The following RECQL5 variants were observed in gnomAD, a reference collection of about 807,000 sequenced individuals.
The protein encoded by RECQL5 is ATP-dependent DNA helicase Q5.
A neutral mutation model predicts 103.4 loss-of-function variants in RECQL5; 88 were observed. The observed-to-expected ratio is 0.85, with a 90% CI of 0.72 to 1.02. The LOEUF is 1.02. RECQL5 is among the 50% of genes least tolerant of loss of function. The pLI is 0.00. For synonymous variants in RECQL5, 552 were observed against 507.9 expected (o/e 1.09, Z -1.17); for missense variants, 1,232 against 1,284.3 (o/e 0.96, Z 0.62).
At chr17:75,648,993 C>G (rs2059522579) in intron 8 of RECQL5, 2 of 152,174 alleles carry the variant, frequency 1.3e-5, no homozygotes, top group South Asian at 4.1e-4. Context: ...ATGGCCGGCT[C>G]TGGGACGGGG....
intron 7 of RECQL5, chr17:75,652,478 T>A (rs2059567722): frequency 1.3e-5 from 2 of 152,270 alleles, no homozygotes; most frequent in Admixed American, 6.5e-5. Flanking sequence ...GAGCACAGCA[T>A]CCCAGATGGG....
chr17:75,658,593 G>C, intron 6 of RECQL5, 133 bp from the exon 7 acceptor site: 1 of 759,214 alleles, frequency 1.3e-6, no homozygotes, highest in South Asian at 1.7e-5. Context: ...AGTTAGAATA[G>C]TTAAGACACC....
chr17:75,635,242 T>C (rs2148260012), intron 8 of RECQL5, among the ~76,000 whole-genome samples: 2 of 152,174 alleles, frequency 1.3e-5, no homozygotes, highest in Middle Eastern at 3.4e-3. Context: ...TCCTGCGGTG[T>C]TGGGAGGCGC....
chr17:75,656,744 CTTTTTT>C (rs35330392), intron 7 of RECQL5, among the ~76,000 whole-genome samples: 1 of 82,654 alleles, frequency 1.2e-5, no homozygotes, highest in Non-Finnish European at 2.4e-5. Flanking sequence ...CTTCTATTGT[CTTTTTT>C]TTTTTTTTTT....
At chr17:75,661,904 C>T (rs7211495) in intron 4 of RECQL5, among the ~76,000 whole-genome samples, 196 bp from the exon 5 acceptor site, 1,548 of 152,268 alleles carry the variant, frequency 0.01, 23 homozygotes, top group African/African-American at 0.034. Context: ...TTCATGCCTG[C>T]AATCCCAGCA....
intron 8 of RECQL5, among the ~76,000 whole-genome samples, chr17:75,648,225 A>T (rs780703434): frequency 3.3e-5 from 5 of 151,868 alleles, no homozygotes; most frequent in Admixed American, 6.6e-5. Flanking sequence ...ACTTTACTCT[A>T]TGGCCTAGTT....
chr17:75,640,460 G>GCTTCCCCCAA lies in RECQL5; in HGVS notation c.1230-8793_1230-8792insTTGGGGGAAG. On this transcript the variant is annotated intron_variant, in intron 8 of 19. Coordinates refer to ENST00000317905, the MANE Select transcript of RECQL5 (RefSeq NM_004259.7). The surrounding 1 kb of genome is among the most constrained non-coding windows in gnomAD (Gnocchi z 4.6). The stretch of plus-strand genomic sequence containing the variant: ...AAGGAGGAAAACCAGTTGTCCCTTG[G>GCTTCCCCCAA]GGGAAGCCAAGGGACTTCCCTCATC... 1.5e-6 allele frequency: 2 copies of GCTTCCCCCAA among 1,377,634 alleles called. No homozygotes were observed. The highest frequency in any genetic ancestry group is 1.9e-6 in the Non-Finnish European group (2 of 1,041,214). The allele number at this position is 1,377,634 out of a possible 1,614,324, so 85.3% of individuals were successfully genotyped here.
rs767592532 is a variant in RECQL5, at chr17:75,628,660, C to T, written c.2580+12G>A. The stretch of plus-strand genomic sequence containing the variant: ...CTTCTCTCCTCCCCAACAGACTCAT[C>T]CCTGCCGGCACCTGCTGGGATCGAG... On this transcript the variant is annotated intron_variant, in intron 17 of 19. Transcript: ENST00000317905. The T allele has an allele frequency of 1.0e-5, 16 of 1,580,700 alleles. No individual in the cohort carries two copies. Among genetic ancestry groups the T allele is most frequent in the Admixed American group, 2.0e-5 (1 of 50,458 alleles).
intron 8 of RECQL5, chr17:75,650,737 CAG>C (rs1406126696): frequency 6.2e-7 from 1 of 1,610,124 alleles, no homozygotes. Context: ...GCAGGTAAAA[CAG>C]ATGCGTGAGT....
intron 8 of RECQL5, 111 bp from the exon 9 acceptor site, chr17:75,631,779 G>T: frequency 8.9e-7 from 1 of 1,127,518 alleles, no homozygotes; most frequent in Non-Finnish European, 1.3e-6. Context: ...CCGGCACCAT[G>T]CCGGGAGCCC....
At position 75,630,259 on chromosome 17, in the gene RECQL5, C is replaced by G. The variant is rs1389838540; in HGVS notation, c.1737G>C (p.Lys579Asn). 1.3e-6 allele frequency: 2 copies of G among 1,560,666 alleles called. No individual in the cohort carries two copies. Among genetic ancestry groups the G allele is most frequent in the Non-Finnish European group, 1.7e-6 (2 of 1,151,536 alleles). The change falls in exon 14 of 20, where the codon AAG becomes AAC. Residue 579 changes from lysine to asparagine, a missense_variant. By Grantham distance (94) the Lys-to-Asn change is moderately conservative. Coordinates refer to ENST00000317905, the MANE Select transcript of RECQL5 (RefSeq NM_004259.7). ...RTADEADLRA[K>N]AVELEHETFR... ...ATGTCTCATGTTCCAGCTCCACGGC[C>G]TTGGCCCGGAGGTCAGCTCTGTGGG...
intron 2 of RECQL5, among the ~76,000 whole-genome samples, chr17:75,665,689 C>CAAA (rs1184942786): frequency 2.4e-4 from 15 of 63,310 alleles, no homozygotes; most frequent in Non-Finnish European, 2.5e-4. Flanking sequence ...GACTCTGTTT[C>CAAA]AAAAAAAAAA....
At position 75,640,479 on chromosome 17, in the gene RECQL5, C is replaced by G. The variant is rs1162187056; in HGVS notation, c.1230-8811G>C. Among the ~76,000 whole-genome samples, 3 of 152,132 alleles carry G rather than the reference C, an allele frequency of 2.0e-5. No homozygotes were observed. Among genetic ancestry groups the G allele is most frequent in the Non-Finnish European group, 4.4e-5 (3 of 68,008 alleles). On this transcript the variant is annotated intron_variant, in intron 8 of 19. Transcript: ENST00000317905. This position sits in a 1 kb window ranked among gnomAD's most constrained non-coding sequence, Gnocchi z 4.6. ...CCCTTGGGGGAAGCCAAGGGACTTCCCTCATCCTCTGATATGCTGCTTGGG... is the reference window on the plus strand; with the variant it reads ...CCCTTGGGGGAAGCCAAGGGACTTCGCTCATCCTCTGATATGCTGCTTGGG...
At chr17:75,655,618 C>A (rs2059609900) in intron 7 of RECQL5, among the ~76,000 whole-genome samples, 1 of 152,186 alleles carries the variant, frequency 6.6e-6, no homozygotes, top group South Asian at 2.1e-4. Flanking sequence ...CCCACCTCGT[C>A]CTCCCAAAGT....
chr17:75,646,902 G>C (rs2059495287), intron 8 of RECQL5: 1 of 154,840 alleles, frequency 6.5e-6, no homozygotes, highest in Non-Finnish European at 1.4e-5. Context: ...GCTGCTCCAA[G>C]GAGGCTACCG....
Position 75,628,746 on chromosome 17 carries a change from C to T in RECQL5, c.2506G>A (p.Asp836Asn), listed in dbSNP as rs374476092. ...GGCTGGACTTCAGGGGTGCCCTGGT[C>T]TCTGGGCGGGCAGGTGCTGGTAGAG... Reference protein sequence around the residue: ...RERPSTCPPRDQGTPEVQPTP... With the variant: ...RERPSTCPPRNQGTPEVQPTP... The change falls in exon 17 of 20, where the codon GAC becomes AAC. Residue 836 changes from aspartate to asparagine, a missense_variant. By Grantham distance (23) the Asp-to-Asn change is conservative (BLOSUM62 1). Coordinates refer to ENST00000317905, the MANE Select transcript of RECQL5 (RefSeq NM_004259.7). 1.8e-4 allele frequency: 281 copies of T among 1,592,548 alleles called. No homozygotes were observed. Among genetic ancestry groups the T allele is most frequent in the Non-Finnish European group, 2.2e-4 (261 of 1,174,878 alleles).
intron 8 of RECQL5, chr17:75,649,645 T>A: frequency 2.0e-6 from 2 of 985,496 alleles, no homozygotes; most frequent in Non-Finnish European, 2.4e-6. Context: ...AAGGGGCTTT[T>A]TCTTTGTGCT....
intron 15 of RECQL5, 44 bp downstream of exon 15, chr17:75,629,664 C>A (rs995715846): frequency 5.1e-6 from 8 of 1,566,990 alleles, no homozygotes; most frequent in East Asian, 2.3e-5. Context: ...GGAAGTGAAG[C>A]CTTTCCTGGT....
Position 75,666,291 on chromosome 17 carries a change from T to C in RECQL5, c.130+137A>G, listed in dbSNP as rs1366654235. 6 of 1,029,778 alleles carry C rather than the reference T, an allele frequency of 5.8e-6. No individual in the cohort carries two copies. In the African/African-American group the frequency reaches 9.7e-5, roughly 17 times the overall value. 63.8% of individuals were successfully genotyped at this position (1,029,778 alleles called of 1,614,324 possible). On this transcript the variant is annotated intron_variant, in intron 2 of 19. Coordinates refer to ENST00000317905, the MANE Select transcript of RECQL5 (RefSeq NM_004259.7). ...AAACAAATAAACGAAACTACAAGCTTTGACAACTCTAAAGATTTCCAAATC... is the reference window on the plus strand; with the variant it reads ...AAACAAATAAACGAAACTACAAGCTCTGACAACTCTAAAGATTTCCAAATC...
Sources: allele counts gnomAD v4.1 joint callset (sites outside exome capture counted in the v4.1 genomes callset), GRCh38; gene constraint gnomAD v4.1.1; non-coding constraint Gnocchi (gnomAD v3.1); transcripts MANE v1.5; gene names NCBI Gene and HGNC (gene_info 2026-07-23, HGNC 2026-07-21).